UGT1A10: variants seen among roughly 807,000 people sequenced by gnomAD.
UGT1A10 encodes UDP glucuronosyltransferase family 1 member A10.
In UGT1A10, 49 loss-of-function variants were observed where a neutral mutation model predicts 45.8. The observed-to-expected ratio is 1.07, with a 90% CI of 0.85 to 1.36. UGT1A10 has a LOEUF of 1.36. UGT1A10 is among the 40% of genes most tolerant of loss of function. The pLI, the probability that UGT1A10 is intolerant of heterozygous loss-of-function variation, is 0.00. For synonymous variants in UGT1A10, 284 were observed against 249.7 expected (o/e 1.14, Z -1.29); for missense variants, 745 against 668.6 (o/e 1.11, Z -1.26).
intron 1 of UGT1A10, among the ~76,000 whole-genome samples, chr2:233,695,274 T>A (rs1346738966): frequency 6.6e-6 from 1 of 152,090 alleles, no homozygotes; most frequent in South Asian, 2.1e-4. Flanking sequence ...TATAGGCATG[T>A]GCCACCATTC....
In UGT1A10 at chr2:233,772,586, T is replaced by C. The variant is rs370727977; in HGVS notation, c.*27T>C. The C allele has an allele frequency of 3.7e-6, 6 of 1,604,570 alleles. No individual in the cohort carries two copies. The highest frequency in any genetic ancestry group is 5.1e-6 in the Non-Finnish European group (6 of 1,175,016). On this transcript the variant is annotated 3_prime_UTR_variant, in exon 5 of 5. Coordinates refer to ENST00000344644, the MANE Select transcript of UGT1A10 (RefSeq NM_019075.4). Reference sequence around the variant, plus strand: ...AAGTGGGTGGGAAATAAGGTAAAATTTTGAACCATTCCCTAGTCATTTCCA... The same window carrying C: ...AAGTGGGTGGGAAATAAGGTAAAATCTTGAACCATTCCCTAGTCATTTCCA...
chr2:233,734,461 C>T (rs1187494686), intron 1 of UGT1A10, among the ~76,000 whole-genome samples: 1 of 145,226 alleles, frequency 6.9e-6, no homozygotes, highest in African/African-American at 2.7e-5. Flanking sequence ...TTTCAAAATC[C>T]ATCTCCTGGA....
intron 1 of UGT1A10, among the ~76,000 whole-genome samples, chr2:233,668,718 T>C (rs944404037): frequency 6.6e-6 from 1 of 152,358 alleles, no homozygotes; most frequent in East Asian, 1.9e-4. Flanking sequence ...CTAGCACCTA[T>C]GTACATTTAT....
chr2:233,731,446 C>G (rs1336068752), intron 1 of UGT1A10, among the ~76,000 whole-genome samples: 3 of 152,132 alleles, frequency 2.0e-5, no homozygotes, highest in Non-Finnish European at 4.4e-5. Flanking sequence ...GTCCCCCACC[C>G]CACAACAGGC....
At chr2:233,746,047 C>G (rs1179932554) in intron 1 of UGT1A10, among the ~76,000 whole-genome samples, 1 of 151,694 alleles carries the variant, frequency 6.6e-6, no homozygotes, top group South Asian at 2.1e-4. Flanking sequence ...GGCTTGGATG[C>G]AGGGTCTAGA....
At chr2:233,736,597 C>G (rs1162489027) in intron 1 of UGT1A10, among the ~76,000 whole-genome samples, 1 of 152,166 alleles carries the variant, frequency 6.6e-6, no homozygotes, top group African/African-American at 2.4e-5. Flanking sequence ...TGCTTATGCG[C>G]TATGGTTTTT....
intron 1 of UGT1A10, among the ~76,000 whole-genome samples, chr2:233,757,541 T>TATACATATACATAC (rs1229454769): frequency 8.5e-6 from 1 of 117,592 alleles, no homozygotes; most frequent in Admixed American, 8.1e-5. Context: ...AAGGAATATA[T>TATACATATACATAC]ATATATATAT....
intron 1 of UGT1A10, among the ~76,000 whole-genome samples, chr2:233,661,365 T>G (rs2073959980): frequency 6.6e-6 from 1 of 152,084 alleles, no homozygotes; most frequent in Admixed American, 6.6e-5. Context: ...CTTAAACACT[T>G]AGGATATATG....
chr2:233,738,082 A>G (rs1218405907), intron 1 of UGT1A10, among the ~76,000 whole-genome samples: 11 of 152,110 alleles, frequency 7.2e-5, no homozygotes, highest in African/African-American at 2.4e-4. Flanking sequence ...TCCTAATCTC[A>G]TCATAGTGAG....
chr2:233,644,385 T>C (rs989421883), intron 1 of UGT1A10, among the ~76,000 whole-genome samples: 1 of 152,050 alleles, frequency 6.6e-6, no homozygotes, highest in Non-Finnish European at 1.5e-5. Flanking sequence ...CTGGCCAACA[T>C]GGCGAAACCC....
intron 1 of UGT1A10, chr2:233,756,147 T>C (rs1696132697): frequency 6.6e-6 from 1 of 152,212 alleles, no homozygotes; most frequent in Admixed American, 6.5e-5. Flanking sequence ...TTACTGGGGA[T>C]CCCTAGGATT....
intron 1 of UGT1A10, among the ~76,000 whole-genome samples, chr2:233,727,645 C>T (rs1332345020): frequency 3.9e-5 from 6 of 152,104 alleles, no homozygotes; most frequent in South Asian, 2.1e-4. Context: ...GCTGAGAATC[C>T]CTTTCTAGTG....
intron 1 of UGT1A10, chr2:233,752,209 A>G (rs544905621): frequency 1.3e-5 from 2 of 152,350 alleles, no homozygotes; most frequent in East Asian, 3.9e-4. Context: ...AACTCCAGCC[A>G]GAAAAAATAT....
chr2:233,639,620 G>T (rs1021587582), intron 1 of UGT1A10, among the ~76,000 whole-genome samples: 1 of 152,192 alleles, frequency 6.6e-6, no homozygotes, highest in Non-Finnish European at 1.5e-5. Context: ...GTATGTGCAG[G>T]TGTGTTTGCG....
intron 1 of UGT1A10, among the ~76,000 whole-genome samples, chr2:233,753,821 G>A (rs1406442938): frequency 6.6e-6 from 1 of 152,104 alleles, no homozygotes; most frequent in African/African-American, 2.4e-5. Flanking sequence ...ACCACGTTAG[G>A]GCTGAAGACA....
At chr2:233,724,529 G>A (rs1336753054) in intron 1 of UGT1A10, among the ~76,000 whole-genome samples, 2 of 116,416 alleles carry the variant, frequency 1.7e-5, no homozygotes, top group African/African-American at 3.6e-5. Context: ...ATGGGGTCTC[G>A]CCGGGCAGAG....
intron 1 of UGT1A10, among the ~76,000 whole-genome samples, chr2:233,646,528 T>G (rs973970168): frequency 8.5e-5 from 13 of 152,202 alleles, no homozygotes; most frequent in African/African-American, 3.1e-4. Flanking sequence ...GCTTTGCTTT[T>G]TAAAAATTTC....
Position 233,716,253 on chromosome 2 carries a change from C to T in UGT1A10, c.856-50781C>T, listed in dbSNP as rs28948390. On this transcript the variant is annotated intron_variant, in intron 1 of 4. Transcript: ENST00000344644. Reference sequence around the variant, plus strand: ...TACATTGTCCTGCCCGGACATCCAGCATAATCTCCCCATGTCAAAACCCTT... The same window carrying T: ...TACATTGTCCTGCCCGGACATCCAGTATAATCTCCCCATGTCAAAACCCTT... Among the ~76,000 whole-genome samples the T allele has an allele frequency of 8.7e-3, 1,327 of 152,306 alleles. 20 individuals are homozygous for T. Among genetic ancestry groups the T allele is most frequent in the African/African-American group, 0.03 (1,235 of 41,562 alleles).
intron 1 of UGT1A10, among the ~76,000 whole-genome samples, chr2:233,657,530 T>C (rs759041193): frequency 2.0e-5 from 3 of 152,128 alleles, no homozygotes; most frequent in African/African-American, 4.8e-5. Context: ...TCACCCATTA[T>C]CGGGAAAAAC....
Sources: allele counts gnomAD v4.1 joint callset (sites outside exome capture counted in the v4.1 genomes callset), GRCh38; gene constraint gnomAD v4.1.1; transcripts MANE v1.5; gene names NCBI Gene and HGNC (gene_info 2026-07-23, HGNC 2026-07-21).